The following EXD1 variants were observed in gnomAD, a reference collection of about 807,000 sequenced individuals.
EXD1 encodes the protein piRNA biogenesis protein EXD1.
In EXD1, 63 loss-of-function variants were observed where a neutral mutation model predicts 49.1. That is an observed-to-expected ratio of 1.28 (90% CI 1.05 to 1.58). The LOEUF (loss-of-function observed/expected upper bound fraction) is 1.58, where lower values mean the gene tolerates loss of function less well. EXD1 is among the 40% of genes most tolerant of loss of function. EXD1 has a pLI of 0.00. For missense variants in EXD1, 748 were observed against 666.0 expected (o/e 1.12, Z -1.36); for synonymous variants, 234 against 239.2 (o/e 0.98, Z 0.20).
intron 1 of EXD1, among the ~76,000 whole-genome samples, chr15:41,229,700 G>T (rs555047693): frequency 6.6e-6 from 1 of 152,190 alleles, no homozygotes; most frequent in African/African-American, 2.4e-5. Context: ...CCCGGGAGGC[G>T]GAAGTTTCGG....
At chr15:41,225,572 C>A (rs1443671834) in intron 2 of EXD1, among the ~76,000 whole-genome samples, 1 of 120,906 alleles carries the variant, frequency 8.3e-6, no homozygotes, top group African/African-American at 3.3e-5. Context: ...GCAACAAGAA[C>A]GAGACTCATT....
chr15:41,201,362 A>C (rs1040483398), intron 7 of EXD1, among the ~76,000 whole-genome samples: 4 of 152,138 alleles, frequency 2.6e-5, no homozygotes, highest in Non-Finnish European at 4.4e-5. Context: ...AAAATTATTC[A>C]TAAGAGAAGA....
chr15:41,227,593 C>T (rs2047181936), intron 1 of EXD1, among the ~76,000 whole-genome samples: 1 of 151,338 alleles, frequency 6.6e-6, no homozygotes, highest in Non-Finnish European at 1.5e-5. Flanking sequence ...TCACTTGAAC[C>T]CGGGAGGCAG....
chr15:41,185,138 G>C (rs2046388769), intron 11 of EXD1, among the ~76,000 whole-genome samples: 1 of 152,184 alleles, frequency 6.6e-6, no homozygotes, highest in African/African-American at 2.4e-5. Context: ...TATGTATAAA[G>C]ACTATACAGG....
intron 2 of EXD1, among the ~76,000 whole-genome samples, chr15:41,222,638 ATTT>A (rs10555628): frequency 3.1e-4 from 42 of 133,740 alleles, no homozygotes; most frequent in African/African-American, 6.0e-4. Flanking sequence ...TTTTATTTAA[ATTT>A]TTTTTTTTTT....
chr15:41,188,041 A>G (rs2046443583), intron 11 of EXD1, among the ~76,000 whole-genome samples: 1 of 148,010 alleles, frequency 6.8e-6, no homozygotes, highest in African/African-American at 2.5e-5. Context: ...AAAAAAAGCT[A>G]GTATTTTAAG....
rs781196895 is a variant in EXD1, at chr15:41,184,333, T to G, written c.1317A>C (p.Lys439Asn). The G allele has an allele frequency of 2.5e-6, 4 of 1,614,112 alleles. No individual in the cohort carries two copies. The highest frequency in any genetic ancestry group is 2.5e-6 in the Non-Finnish European group (3 of 1,180,050). Residue 439 changes from lysine (K) to asparagine (N), a missense_variant, in exon 12 of 12, where the codon AAA becomes AAC. Transcript: ENST00000458580. ...QDFHGDVNLLKEESLNKQATN... is the reference protein window; with the variant it reads ...QDFHGDVNLLNEESLNKQATN... Reference sequence around the variant, plus strand: ...TAGCTTGTTTATTCAAAGATTCTTCTTTCAGTAAATTCACATCCCCGTGAA... The same window carrying G: ...TAGCTTGTTTATTCAAAGATTCTTCGTTCAGTAAATTCACATCCCCGTGAA...
intron 10 of EXD1, 37 bp from the exon 11 acceptor site, chr15:41,190,165 C>T (rs745381304): frequency 5.0e-6 from 8 of 1,606,788 alleles, no homozygotes; most frequent in Non-Finnish European, 6.8e-6. Context: ...GAACAGTAAG[C>T]AAGACTTTAA....
At chr15:41,207,226 G>C (rs2046844994) in intron 7 of EXD1, among the ~76,000 whole-genome samples, 1 of 150,818 alleles carries the variant, frequency 6.6e-6, no homozygotes, top group African/African-American at 2.4e-5. Flanking sequence ...GGGCGACAGA[G>C]TGAAACTCCG....
intron 6 of EXD1, among the ~76,000 whole-genome samples, chr15:41,215,127 T>A (rs1471076688): frequency 1.3e-5 from 2 of 152,218 alleles, no homozygotes; most frequent in Non-Finnish European, 2.9e-5. Context: ...AGAGATGTTT[T>A]CTCTGTCTAT....
chr15:41,197,290 C>T (rs559809482), intron 7 of EXD1, among the ~76,000 whole-genome samples: 11 of 149,810 alleles, frequency 7.3e-5, no homozygotes, highest in African/African-American at 2.0e-4. Context: ...GGCAGTGGCA[C>T]GATCTCGACT....
intron 7 of EXD1, among the ~76,000 whole-genome samples, chr15:41,198,569 G>A (rs1370521379): frequency 6.6e-6 from 1 of 151,892 alleles, no homozygotes; most frequent in Non-Finnish European, 1.5e-5. Context: ...TGCACCTGTG[G>A]TCCCAGCTAC....
chr15:41,208,369 GAAAAAA>G (rs10586810), intron 7 of EXD1, among the ~76,000 whole-genome samples: 3 of 62,680 alleles, frequency 4.8e-5, no homozygotes, highest in Non-Finnish European at 1.0e-4. Context: ...ACTCATCTCT[GAAAAAA>G]AAAAAAAAAA....
intron 9 of EXD1, among the ~76,000 whole-genome samples, chr15:41,194,475 A>T (rs564013203): frequency 2.6e-5 from 4 of 152,200 alleles, no homozygotes; most frequent in Non-Finnish European, 5.9e-5. Flanking sequence ...GAAAAAGGCA[A>T]GGAAACTCTC....
intron 7 of EXD1, among the ~76,000 whole-genome samples, chr15:41,204,657 G>C (rs547919375): frequency 2.6e-5 from 4 of 152,204 alleles, no homozygotes; most frequent in Admixed American, 1.3e-4. Flanking sequence ...CTTGAGCCCG[G>C]GAGTTCAAGG....
At chr15:41,229,539 C>T (rs188135322) in intron 1 of EXD1, among the ~76,000 whole-genome samples, 69 of 152,178 alleles carry the variant, frequency 4.5e-4, no homozygotes, top group African/African-American at 1.6e-3. Context: ...GAGGCTGAAG[C>T]GGGCAGATCA....
chr15:41,187,467 G>A (rs191627371), intron 11 of EXD1, among the ~76,000 whole-genome samples: 1 of 152,242 alleles, frequency 6.6e-6, no homozygotes, highest in Non-Finnish European at 1.5e-5. Context: ...ATCCATGGGG[G>A]GATGTTGGAA....
At chr15:41,185,000 T>C (rs912509063) in intron 11 of EXD1, among the ~76,000 whole-genome samples, 2 of 152,108 alleles carry the variant, frequency 1.3e-5, no homozygotes, top group Non-Finnish European at 2.9e-5. Context: ...TAAATGAGAG[T>C]CTATTCAAAT....
chr15:41,230,715 C>A lies in EXD1; in HGVS notation c.-290G>T. 1 of 678,312 alleles carries A rather than the reference C, an allele frequency of 1.5e-6. No individual in the cohort carries two copies. The highest frequency in any genetic ancestry group is 2.0e-5 in the South Asian group (1 of 50,546). The allele number at this position is 678,312 out of a possible 1,614,324, so 42.0% of individuals were successfully genotyped here. On this transcript the variant is annotated 5_prime_UTR_variant, in exon 1 of 12. Coordinates refer to ENST00000458580, the MANE Select transcript of EXD1 (RefSeq NM_001286441.2). ...AGGTCCGCGACGCCGGGGACACACG[C>A]CGCAGAGGCGACGCCCGCCCGGCCC...
Sources: allele counts gnomAD v4.1 joint callset (sites outside exome capture counted in the v4.1 genomes callset), GRCh38; gene constraint gnomAD v4.1.1; transcripts MANE v1.5; gene names NCBI Gene and HGNC (gene_info 2026-07-23, HGNC 2026-07-21).